The following NOL12 variants were observed in gnomAD, a reference collection of about 807,000 sequenced individuals.
NOL12 encodes nucleolar protein 12.
Under a neutral mutation model 25.2 loss-of-function variants are expected in NOL12, and 21 were observed. The observed-to-expected ratio is 0.83, with a 90% CI of 0.59 to 1.20. NOL12 has a LOEUF of 1.20. Among genes scored for constraint, NOL12 ranks in the 50% most tolerant of loss-of-function variants. The pLI, the probability that NOL12 is intolerant of heterozygous loss-of-function variation, is 0.00. For synonymous variants in NOL12, 133 were observed against 113.8 expected (o/e 1.17, Z -1.08); for missense variants, 286 against 287.6 (o/e 0.99, Z 0.04).
Position 37,688,027 on chromosome 22 carries a change from G to C in NOL12, c.189+12G>C. 7.5e-7 allele frequency: 1 copy of C among 1,341,294 alleles called. No individual in the cohort carries two copies. The highest frequency in any genetic ancestry group is 1.0e-6 in the Non-Finnish European group (1 of 964,802). 83.1% of individuals were successfully genotyped at this position (1,341,294 alleles called of 1,614,324 possible). ...AGCTTCGGGAGGAGGTACGCAGGGGGAAGGTGGGAGGGAGGTCTTTGATTC... is the reference window on the plus strand; with the variant it reads ...AGCTTCGGGAGGAGGTACGCAGGGGCAAGGTGGGAGGGAGGTCTTTGATTC... On this transcript the variant is annotated intron_variant, in intron 2 of 5. Coordinates refer to ENST00000359114, the MANE Select transcript of NOL12 (RefSeq NM_024313.3).
chr22:37,690,621 C>T (rs904297712), intron 4 of NOL12, 76 bp from the exon 5 acceptor site: 14 of 1,047,740 alleles, frequency 1.3e-5, no homozygotes, highest in Non-Finnish European at 2.0e-5. Flanking sequence ...TTGCCAGAGC[C>T]ATGGTGGCTC....
chr22:37,686,616 C>T, intron 1 of NOL12, 141 bp downstream of exon 1: 1 of 1,372,084 alleles, frequency 7.3e-7, no homozygotes, highest in Non-Finnish European at 9.3e-7. Flanking sequence ...GGCCTTCCAG[C>T]CCGCGTTCCC....
At position 37,692,154 on chromosome 22, in the gene NOL12, C is replaced by G. The variant is rs921291130; in HGVS notation, c.*818C>G. 1.1e-5 allele frequency: 2 copies of G among 183,960 alleles called. No individual in the cohort carries two copies. Among genetic ancestry groups the G allele is most frequent in the South Asian group, 2.0e-4 (1 of 5,086 alleles). The allele number at this position is 183,960 out of a possible 1,614,324, so 11.4% of individuals were successfully genotyped here. A position where few individuals can be genotyped will look rare whatever the true frequency, so the allele number is the denominator to read the frequency against. ...GGCAGATCACTTAAGGTCGGGAGCT[C>G]GAGACCAGCCTGGCCAACATGGTGA... On this transcript the variant is annotated 3_prime_UTR_variant, in exon 6 of 6. Coordinates refer to ENST00000359114, the MANE Select transcript of NOL12 (RefSeq NM_024313.3).
At chr22:37,688,716 C>G (rs923674404) in intron 3 of NOL12, 134 bp from the exon 4 acceptor site, 5 of 847,368 alleles carry the variant, frequency 5.9e-6, no homozygotes, top group Admixed American at 4.3e-5. Flanking sequence ...AGACCAGGCT[C>G]TACAGCCAGT....
At chr22:37,688,170 C>A in intron 2 of NOL12, 142 bp from the exon 3 acceptor site, 1 of 1,092,216 alleles carries the variant, frequency 9.2e-7, no homozygotes, top group Non-Finnish European at 1.4e-6. Context: ...GGGCCCGGGT[C>A]TGGGAGTGAT....
intron 1 of NOL12, 102 bp downstream of exon 1, chr22:37,686,577 C>T (rs988700777): frequency 2.8e-6 from 4 of 1,404,122 alleles, no homozygotes; most frequent in Admixed American, 7.5e-5. Context: ...TCCGGTCCCG[C>T]CCCCTGGCGT....
rs370886628 is a variant in NOL12, at chr22:37,688,847, C to G, written c.239-3C>G. 40 of 1,613,928 alleles carry G rather than the reference C, an allele frequency of 2.5e-5. No individual in the cohort carries two copies. The highest frequency in any genetic ancestry group is 3.4e-5 in the Non-Finnish European group (40 of 1,180,006). ...GAGACCAGGTCTGTGTCCACCCCCA[C>G]AGAGGAGGCAGATGAGCTGGACCGG... On this transcript the variant is annotated splice_polypyrimidine_tract_variant and splice_region_variant and intron_variant, in intron 3 of 5. Transcript: ENST00000359114.
rs1160583716 is a variant in NOL12 at position 37,690,694 on chromosome 22, T to G, written c.382-3T>G. 1.2e-6 allele frequency: 2 copies of G among 1,610,896 alleles called. No homozygotes were observed. The highest frequency in any genetic ancestry group is 1.7e-6 in the Non-Finnish European group (2 of 1,177,618). On this transcript the variant is annotated splice_polypyrimidine_tract_variant and splice_region_variant and intron_variant, in intron 4 of 5. Transcript: ENST00000359114. ...TGTAAGTCATTGTCTTGTGCCTCTT[T>G]AGGGAGGGGCTGGAGACAGGTCTGA...
Position 37,690,756 on chromosome 22 carries a change from C to T in NOL12, c.441C>T (p.Ala147=), listed in dbSNP as rs769129563. Residue 147 remains alanine (A), a synonymous_variant, in exon 5 of 6, where the codon GCC becomes GCT. Coordinates refer to ENST00000359114, the MANE Select transcript of NOL12 (RefSeq NM_024313.3). ...EASSTEKPTK[A]LPRKSRDPLL... ...CATCCACGGAGAAACCAACCAAAGC[C>T]TTGCCCAGGAAGTCCAGAGACCCCC... 3.1e-6 allele frequency: 5 copies of T among 1,613,860 alleles called. No homozygotes were observed. In the African/African-American group the frequency reaches 6.7e-5, roughly 22 times the overall value.
chr22:37,686,476 G>T lies in NOL12; in HGVS notation c.83+1G>T. On this transcript the variant is annotated splice_donor_variant, in intron 1 of 5. Coordinates refer to ENST00000359114, the MANE Select transcript of NOL12 (RefSeq NM_024313.3). LOFTEE classifies it high-confidence loss of function. ...TTAGCTTCGACGAGGAGAAGAGGCG[G>T]TGAGTGGCAAAGCCGGACCGGACTC... 6.3e-7 allele frequency: 1 copy of T among 1,597,514 alleles called. No individual in the cohort carries two copies. Among genetic ancestry groups the T allele is most frequent in the Non-Finnish European group, 8.5e-7 (1 of 1,173,816 alleles).
At position 37,691,200 on chromosome 22, in the gene NOL12, A is replaced by G. The variant is rs1218928908; in HGVS notation, c.506A>G (p.His169Arg). The part of the protein sequence containing the change: ...QRISSLTASL[H>R]AHSRKKVKRK... ...ATCTCCTCCCTCACAGCATCACTACATGCACACAGCCGCAAAAAGGTCAAG... is the reference window on the plus strand; with the variant it reads ...ATCTCCTCCCTCACAGCATCACTACGTGCACACAGCCGCAAAAAGGTCAAG... The change falls in exon 6 of 6, where the codon CAT becomes CGT. Residue 169 changes from histidine to arginine, a missense_variant. Transcript: ENST00000359114. The G allele has an allele frequency of 6.2e-6, 10 of 1,613,552 alleles. No individual in the cohort carries two copies. The highest frequency in any genetic ancestry group is 8.5e-6 in the Non-Finnish European group (10 of 1,179,824).
rs2145798791 is a variant in NOL12 at position 37,691,322 on chromosome 22, C to G, written c.628C>G (p.His210Asp). Residue 210 changes from histidine (H) to aspartate (D), a missense_variant, in exon 6 of 6, where the codon CAC becomes GAC. Transcript: ENST00000359114. Reference protein sequence around the residue: ...QRRRLTGKARHSGE With the variant: ...QRRRLTGKARDSGE ...CCGCCGTCTCACAGGCAAAGCACGG[C>G]ACAGCGGGGAGTGAGACCGAGAACG... 1.9e-6 allele frequency: 3 copies of G among 1,611,304 alleles called. No homozygotes were observed. The African/African-American group carries it at 4.0e-5, about 21-fold the overall frequency.
At chr22:37,686,788 C>G in intron 1 of NOL12, 3 of 985,456 alleles carry the variant, frequency 3.0e-6, no homozygotes, top group Non-Finnish European at 3.6e-6. Context: ...GGCGCCCAGC[C>G]GTGGTTGATA....
In NOL12 at chr22:37,691,231, A is replaced by G. The variant is rs937569779; in HGVS notation, c.537A>G (p.Lys179=). The G allele has an allele frequency of 8.1e-6, 13 of 1,614,058 alleles. No homozygotes were observed. Among genetic ancestry groups the G allele is most frequent in the Non-Finnish European group, 1.1e-5 (13 of 1,179,982 alleles). ...ACAGCCGCAAAAAGGTCAAGAGGAA[A>G]CATCCCCGACGGGCCCAGGACTCCA... The part of the protein sequence containing the change: ...HAHSRKKVKR[K]HPRRAQDSKK... The change falls in exon 6 of 6, where the codon AAA becomes AAG. Residue 179 remains lysine, a synonymous_variant. Transcript: ENST00000359114.
In NOL12 at chr22:37,691,422, TAGGTAATGACTGCACAGCTCA is replaced by T; in HGVS notation, c.*91_*111del. The stretch of plus-strand genomic sequence containing the variant: ...CTGTCCCTGTAGCCCAGCCTGCACC[TAGGTAATGACTGCACAGCTCA>T]AGGTTGGGAAGCCAGGACCTCTCTG... On this transcript the variant is annotated 3_prime_UTR_variant, in exon 6 of 6. Coordinates refer to ENST00000359114, the MANE Select transcript of NOL12 (RefSeq NM_024313.3). The T allele has an allele frequency of 7.0e-7, 1 of 1,427,428 alleles. No homozygotes were observed. The highest frequency in any genetic ancestry group is 2.6e-4 in the Middle Eastern group (1 of 3,912). The allele number at this position is 1,427,428 out of a possible 1,614,324, so 88.4% of individuals were successfully genotyped here.
At chr22:37,690,126 G>T (rs929427081) in intron 4 of NOL12, among the ~76,000 whole-genome samples, 1 of 152,160 alleles carries the variant, frequency 6.6e-6, no homozygotes, top group Non-Finnish European at 1.5e-5. Flanking sequence ...AGCCGAGATC[G>T]TGCCATTGCA....
At position 37,692,772 on chromosome 22, in the gene NOL12, C is replaced by T. The variant is rs1320815907; in HGVS notation, c.*1436C>T. The T allele has an allele frequency of 1.7e-4, 69 of 398,614 alleles. No individual in the cohort carries two copies. Among genetic ancestry groups the T allele is most frequent in the Non-Finnish European group, 2.2e-5 (5 of 226,308 alleles). 24.7% of individuals were successfully genotyped at this position (398,614 alleles called of 1,614,324 possible). On this transcript the variant is annotated 3_prime_UTR_variant, in exon 6 of 6. Coordinates refer to ENST00000359114, the MANE Select transcript of NOL12 (RefSeq NM_024313.3). ...GTGAGCCAGGGTCTGCAGGGCTGTC[C>T]TCTCTCCACAGCCAACAGCCAGGCC... is the stretch of plus-strand genomic sequence containing the variant.
chr22:37,689,292 T>G (rs1043542554), intron 4 of NOL12, among the ~76,000 whole-genome samples: 1 of 152,182 alleles, frequency 6.6e-6, no homozygotes, highest in African/African-American at 2.4e-5. Context: ...CTTCCCTTTC[T>G]CCATCAGTGA....
intron 3 of NOL12, among the ~76,000 whole-genome samples, 154 bp downstream of exon 3, chr22:37,688,514 G>A (rs887766414): frequency 2.0e-5 from 3 of 152,152 alleles, no homozygotes; most frequent in Non-Finnish European, 4.4e-5. Flanking sequence ...CTAAGTGCAA[G>A]TGGAACAGAG....
Sources: gnomAD v4.1 joint callset for allele counts (sites outside exome capture counted in the v4.1 genomes callset) on GRCh38, gnomAD v4.1.1 for gene constraint, MANE v1.5 for transcripts, NCBI Gene and HGNC (gene_info 2026-07-23, HGNC 2026-07-21) for gene names.